HYAL4: variants seen among roughly 807,000 people sequenced by gnomAD.
HYAL4 encodes hyaluronidase 4, also known as hyaluronidase-4.
In HYAL4, 37 loss-of-function variants were observed where a neutral mutation model predicts 35.2. That is an observed-to-expected ratio of 1.05 (90% CI 0.81 to 1.38). HYAL4 has a LOEUF of 1.38. HYAL4 is among the 40% of genes most tolerant of loss of function. HYAL4 has a pLI of 0.00. For missense variants in HYAL4, 572 were observed against 572.4 expected (o/e 1.00, Z 0.01); for synonymous variants, 198 against 203.2 (o/e 0.97, Z 0.22).
chr7:123,801,070 T>C, the HYAL4 span, among the ~76,000 whole-genome samples: 1 of 152,114 alleles, frequency 6.6e-6, no homozygotes, highest in Non-Finnish European at 1.5e-5. Context: ...ATCCCAGCAA[T>C]TTTGGAGGCC....
At chr7:123,815,042 GCA>G in the HYAL4 span, 1 of 152,492 alleles carries the variant, frequency 6.6e-6, no homozygotes, top group Non-Finnish European at 1.5e-5. Flanking sequence ...GTAAGGAAAA[GCA>G]CAGTCACTCA....
At chr7:123,767,813 T>C in the HYAL4 span, among the ~76,000 whole-genome samples, 1 of 152,136 alleles carries the variant, frequency 6.6e-6, no homozygotes, top group Non-Finnish European at 1.5e-5. Context: ...GAGAGGTTTG[T>C]TTACCAGTGG....
At chr7:123,769,547 C>T in the HYAL4 span, among the ~76,000 whole-genome samples, 5 of 152,236 alleles carry the variant, frequency 3.3e-5, no homozygotes, top group African/African-American at 1.2e-4. Context: ...AAGAAAGGGG[C>T]ATGACCTTGA....
intron 2 of HYAL4, among the ~76,000 whole-genome samples, chr7:123,851,609 A>G (rs1440008176): frequency 6.6e-6 from 1 of 152,110 alleles, no homozygotes; most frequent in East Asian, 1.9e-4. Context: ...TCCATGGTGT[A>G]TATGTGCCAC....
chr7:123,830,422 A>G (rs995941153), intron 1 of HYAL4, among the ~76,000 whole-genome samples: 27 of 152,224 alleles, frequency 1.8e-4, no homozygotes, highest in African/African-American at 5.8e-4. Flanking sequence ...ATGAGAGGTA[A>G]TATCTGTTAG....
At chr7:123,777,919 G>GTTT in the HYAL4 span, among the ~76,000 whole-genome samples, 3 of 141,296 alleles carry the variant, frequency 2.1e-5, no homozygotes, top group Non-Finnish European at 4.7e-5. Context: ...TTCTTCGTTA[G>GTTT]TTTTTTTTTT....
the HYAL4 span, among the ~76,000 whole-genome samples, chr7:123,777,780 A>G: frequency 6.6e-6 from 1 of 152,154 alleles, no homozygotes; most frequent in Non-Finnish European, 1.5e-5. Flanking sequence ...TATTGTTATA[A>G]AAAGCATTCA....
At position 123,876,823 on chromosome 7, in the gene HYAL4, G is replaced by A; in HGVS notation, c.1114G>A (p.Ala372Thr). 1 of 1,614,174 alleles carries A rather than the reference G, an allele frequency of 6.2e-7. No homozygotes were observed. Among genetic ancestry groups the A allele is most frequent in the Non-Finnish European group, 8.5e-7 (1 of 1,180,010 alleles). The change falls in exon 5 of 5, where the codon GCT becomes ACT. Residue 372 changes from alanine (A) to threonine (T), a missense_variant. Coordinates refer to ENST00000223026, the MANE Select transcript of HYAL4 (RefSeq NM_012269.3). ...GAGCTACATAGCCAATGTGACCAGA[G>A]CTGCTGAGGTATGCAGCCTTCACCT... ...LGSYIANVTR[A>T]AEVCSLHLCR...
At chr7:123,857,144 G>A (rs1806456556) in intron 2 of HYAL4, among the ~76,000 whole-genome samples, 1 of 152,176 alleles carries the variant, frequency 6.6e-6, no homozygotes, top group African/African-American at 2.4e-5. Context: ...GATCCGTTGA[G>A]TTAGACCACT....
chr7:123,798,419 A>G, the HYAL4 span, among the ~76,000 whole-genome samples: 4 of 152,144 alleles, frequency 2.6e-5, no homozygotes, highest in South Asian at 2.1e-4. Flanking sequence ...ACCTACAATG[A>G]TCTTAGAACC....
chr7:123,828,572 G>A (rs1028753635), upstream of HYAL4, among the ~76,000 whole-genome samples: 4 of 151,902 alleles, frequency 2.6e-5, no homozygotes, highest in African/African-American at 7.3e-5. Flanking sequence ...CTGACCTAAT[G>A]TTAAAATATA....
chr7:123,866,538 A>G (rs1447049171), intron 2 of HYAL4, among the ~76,000 whole-genome samples: 1 of 152,206 alleles, frequency 6.6e-6, no homozygotes, highest in Non-Finnish European at 1.5e-5. Context: ...TCCGGAGCAC[A>G]CAGCCAAAGG....
intron 2 of HYAL4, among the ~76,000 whole-genome samples, chr7:123,866,874 G>A (rs953475158): frequency 7.7e-5 from 11 of 142,678 alleles, no homozygotes; most frequent in South Asian, 2.3e-4. Context: ...CACTGCAACC[G>A]CCACCTCCCA....
chr7:123,843,192 T>C (rs1562994069), upstream of HYAL4, among the ~76,000 whole-genome samples: 2 of 152,050 alleles, frequency 1.3e-5, no homozygotes, highest in African/African-American at 4.8e-5. Context: ...AAGGCAGGCC[T>C]GGTCCTGACA....
the HYAL4 span, among the ~76,000 whole-genome samples, chr7:123,808,632 C>G: frequency 6.6e-6 from 1 of 152,172 alleles, no homozygotes; most frequent in Non-Finnish European, 1.5e-5. Flanking sequence ...TGCCCTTTCT[C>G]TCTAGATCTT....
At chr7:123,870,397 A>G (rs549392142) in intron 3 of HYAL4, among the ~76,000 whole-genome samples, 36 of 152,334 alleles carry the variant, frequency 2.4e-4, no homozygotes, top group African/African-American at 7.2e-4. Context: ...TTCTATTCAT[A>G]CCACCCAGAA....
At chr7:123,825,245 C>G (rs1253992880), upstream of HYAL4, among the ~76,000 whole-genome samples, 1 of 151,690 alleles carries the variant, frequency 6.6e-6, no homozygotes, top group Non-Finnish European at 1.5e-5. Flanking sequence ...AACAGGTTTC[C>G]CCTAATTGAA....
chr7:123,867,392 CATG>C (rs1806717284), intron 2 of HYAL4, among the ~76,000 whole-genome samples: 1 of 152,098 alleles, frequency 6.6e-6, no homozygotes, highest in South Asian at 2.1e-4. Flanking sequence ...GTTAGGCAAT[CATG>C]ATGAGTGAGG....
chr7:123,834,154 A>C (rs1274771777), intron 1 of HYAL4, among the ~76,000 whole-genome samples: 1 of 151,932 alleles, frequency 6.6e-6, no homozygotes, highest in Non-Finnish European at 1.5e-5. Context: ...GATTGCATTG[A>C]ATTTGTAGAT....
Sources: allele counts gnomAD v4.1 joint callset (sites outside exome capture counted in the v4.1 genomes callset), GRCh38; gene constraint gnomAD v4.1.1; transcripts MANE v1.5; gene names NCBI Gene and HGNC (gene_info 2026-07-23, HGNC 2026-07-21).